The following KLF8 variants were observed in gnomAD, a reference collection of about 807,000 sequenced individuals.
The protein encoded by KLF8 is Krueppel-like factor 8.
KLF8 carries 10 observed loss-of-function variants against 18.2 expected under a neutral mutation model. The observed-to-expected ratio is 0.55, with a 90% CI of 0.34 to 0.93. The LOEUF is 0.93. Among genes scored for constraint, KLF8 ranks in the 40% least tolerant of loss-of-function variants. The probability of loss-of-function intolerance (pLI) is 0.02; values close to 1 mark genes in which losing one functional copy is unlikely to be tolerated. For missense variants in KLF8, 264 were observed against 277.9 expected (o/e 0.95, Z 0.36); for synonymous variants, 109 against 97.3 (o/e 1.12, Z -0.71).
chrX:56,179,455 C>A, the KLF8 span, among the ~76,000 whole-genome samples: 1 of 112,155 alleles, frequency 8.9e-6, no homozygotes, highest in East Asian at 2.8e-4. Flanking sequence ...AATTTGAATT[C>A]TTCTTTTCCT....
At chrX:55,940,203 G>T in the KLF8 span, among the ~76,000 whole-genome samples, 1 of 111,891 alleles carries the variant, frequency 8.9e-6, no homozygotes, top group African/African-American at 3.2e-5. Context: ...TTCATTCCTG[G>T]GATGCAAGCC....
At chrX:55,921,063 A>T in the KLF8 span, among the ~76,000 whole-genome samples, 1 of 112,477 alleles carries the variant, frequency 8.9e-6, no homozygotes, top group Non-Finnish European at 1.9e-5. Flanking sequence ...CTGCACAGAA[A>T]AAGTAACTAT....
chrX:56,135,665 C>T, the KLF8 span, among the ~76,000 whole-genome samples: 2 of 110,229 alleles, frequency 1.8e-5, no homozygotes, highest in South Asian at 3.9e-4. Context: ...CTAACCTGCA[C>T]ATTGTGCACA....
chrX:56,141,814 A>G, the KLF8 span, among the ~76,000 whole-genome samples: 1 of 111,893 alleles, frequency 8.9e-6, no homozygotes, highest in Non-Finnish European at 1.9e-5. Flanking sequence ...CCACCTGGTG[A>G]TGATACAAAT....
At chrX:56,157,642 G>A in the KLF8 span, among the ~76,000 whole-genome samples, 1 of 111,840 alleles carries the variant, frequency 8.9e-6, no homozygotes, top group South Asian at 3.7e-4. Context: ...GATGGCCAGT[G>A]ATGATGAGCA....
At chrX:56,157,383 A>G in the KLF8 span, among the ~76,000 whole-genome samples, 1 of 110,543 alleles carries the variant, frequency 9.0e-6, no homozygotes, top group Non-Finnish European at 1.9e-5. Flanking sequence ...TTAAAGTACA[A>G]TAAAAATAAA....
At chrX:56,223,508 C>G in the KLF8 span, among the ~76,000 whole-genome samples, 1 of 112,236 alleles carries the variant, frequency 8.9e-6, no homozygotes, top group Non-Finnish European at 1.9e-5. Context: ...CAATAAAAAG[C>G]AAATGAGGAT....
chrX:56,156,815 T>A, the KLF8 span, among the ~76,000 whole-genome samples: 5 of 103,788 alleles, frequency 4.8e-5, no homozygotes, highest in Admixed American at 3.2e-4. Context: ...GAACATGTGA[T>A]GTTTAGTTTT....
chrX:56,232,648 T>G lies in KLF8; in HGVS notation c.-687T>G, dbSNP rs2066414533. ...CTGGGGCTGGTGTTCTTCTCTATGA[T>G]TCTACCAATCGTCGGCATTTTTTTC... On this transcript the variant is annotated 5_prime_UTR_variant, in exon 1 of 6. Transcript: ENST00000468660. 8.9e-6 allele frequency: 1 copy of G among 111,765 alleles called. No homozygotes were observed. The highest frequency in any genetic ancestry group is 1.9e-5 in the Non-Finnish European group (1 of 53,186). The allele number at this position is 111,765 out of a possible 1,213,427, so 9.2% of individuals were successfully genotyped here.
At chrX:56,096,987 C>A in the KLF8 span, among the ~76,000 whole-genome samples, 1 of 110,632 alleles carries the variant, frequency 9.0e-6, no homozygotes. Flanking sequence ...TTGAAAGACA[C>A]AATGTCAAAG....
At chrX:56,117,540 T>G in the KLF8 span, among the ~76,000 whole-genome samples, 3 of 111,783 alleles carry the variant, frequency 2.7e-5, no homozygotes, top group Non-Finnish European at 1.9e-5. Flanking sequence ...GCCATTGATT[T>G]CAGCTTATTC....
At chrX:56,168,995 T>C in the KLF8 span, among the ~76,000 whole-genome samples, 1 of 111,700 alleles carries the variant, frequency 9.0e-6, no homozygotes, top group African/African-American at 3.2e-5. Flanking sequence ...CAAAATAGTA[T>C]GATAATGGCA....
the KLF8 span, among the ~76,000 whole-genome samples, chrX:55,934,972 G>A: frequency 1.8e-5 from 2 of 111,552 alleles, no homozygotes; most frequent in East Asian, 5.6e-4. Context: ...ATAGTTGAAG[G>A]GGAGCCATAT....
chrX:56,074,073 C>G, the KLF8 span, among the ~76,000 whole-genome samples: 1 of 111,544 alleles, frequency 9.0e-6, no homozygotes, highest in African/African-American at 3.3e-5. Flanking sequence ...TGTTCATGAA[C>G]TTTTTGGCCA....
chrX:56,088,184 CA>C, the KLF8 span, among the ~76,000 whole-genome samples: 2 of 110,789 alleles, frequency 1.8e-5, no homozygotes, highest in African/African-American at 6.5e-5. Context: ...AATAATTCAC[CA>C]GAAGCAATGC....
chrX:56,142,201 C>A, the KLF8 span, among the ~76,000 whole-genome samples: 1 of 111,692 alleles, frequency 9.0e-6, no homozygotes, highest in Non-Finnish European at 1.9e-5. Context: ...TTATCCCTAC[C>A]ATTTCACTGA....
the KLF8 span, among the ~76,000 whole-genome samples, chrX:56,204,167 A>C: frequency 9.0e-6 from 1 of 111,656 alleles, no homozygotes; most frequent in Non-Finnish European, 1.9e-5. Context: ...TCCTAGATAT[A>C]TAATTTTTTG....
At chrX:56,142,066 A>G in the KLF8 span, among the ~76,000 whole-genome samples, 1 of 111,876 alleles carries the variant, frequency 8.9e-6, no homozygotes, top group Non-Finnish European at 1.9e-5. Context: ...TTATTTATCT[A>G]TCAGAACTCA....
At chrX:56,176,769 T>C in the KLF8 span, among the ~76,000 whole-genome samples, 1 of 112,079 alleles carries the variant, frequency 8.9e-6, no homozygotes. Context: ...TCTTTTCACA[T>C]AGTCCCATAT....
Sources: allele counts gnomAD v4.1 joint callset (sites outside exome capture counted in the v4.1 genomes callset), GRCh38; gene constraint gnomAD v4.1.1; transcripts MANE v1.5; gene names NCBI Gene and HGNC (gene_info 2026-07-23, HGNC 2026-07-21).